Variants in ST8SIA1 observed in about 807,000 individuals in gnomAD.
The protein encoded by ST8SIA1 is ST8 alpha-N-acetyl-neuraminide alpha-2,8-sialyltransferase 1, also known as alpha-N-acetylneuraminide alpha-2,8-sialyltransferase.
ST8SIA1 carries 16 observed loss-of-function variants against 35.9 expected under a neutral mutation model. The observed-to-expected ratio is 0.45, with a 90% confidence interval of 0.30 to 0.68. The LOEUF is 0.68. Ranked by LOEUF, ST8SIA1 falls within the 30% of genes least tolerant of loss-of-function variation. The probability of loss-of-function intolerance (pLI) is 0.09; values close to 1 mark genes in which losing one functional copy is unlikely to be tolerated. For synonymous variants in ST8SIA1, 170 were observed against 169.6 expected, an observed-to-expected ratio of 1.00 and a Z score of -0.02; for missense variants, 383 against 453.6, an observed-to-expected ratio of 0.84 and a Z score of 1.41.
chr12:22,200,871 G>A lies in ST8SIA1; in HGVS notation c.*681C>T, dbSNP rs1310146345. Reference sequence around the variant, plus strand: ...GTTATCCAGACTATGAAGCAACACAGTCTAAATTCAATAATGCTTCACATT... The same window carrying A: ...GTTATCCAGACTATGAAGCAACACAATCTAAATTCAATAATGCTTCACATT... On this transcript the variant is annotated 3_prime_UTR_variant, in exon 5 of 5. Coordinates refer to ENST00000396037, the MANE Select transcript of ST8SIA1 (RefSeq NM_003034.4). 6.6e-6 allele frequency: 1 copy of A among 152,094 alleles called. No homozygotes were observed. Among genetic ancestry groups the A allele is most frequent in the East Asian group, 1.9e-4 (1 of 5,180 alleles). 9.4% of individuals were successfully genotyped at this position (152,094 alleles called of 1,614,324 possible). A position where few individuals can be genotyped will look rare whatever the true frequency, so the allele number is the denominator to read the frequency against.
chr12:22,271,612 T>TA (rs1865912683), intron 2 of ST8SIA1, among the ~76,000 whole-genome samples: 1 of 152,190 alleles, frequency 6.6e-6, no homozygotes, highest in Non-Finnish European at 1.5e-5. Flanking sequence ...AATAAAATGA[T>TA]AATTATAAAA....
At chr12:22,264,291 C>T (rs1865822966) in intron 2 of ST8SIA1, among the ~76,000 whole-genome samples, 1 of 152,142 alleles carries the variant, frequency 6.6e-6, no homozygotes, top group Non-Finnish European at 1.5e-5. Context: ...CTAACCAGTG[C>T]ACCAATCAAG....
At chr12:22,261,104 A>C (rs1462633815) in intron 2 of ST8SIA1, among the ~76,000 whole-genome samples, 4 of 151,178 alleles carry the variant, frequency 2.6e-5, no homozygotes, top group Non-Finnish European at 5.9e-5. Context: ...ATTTATATAT[A>C]TTTTGAACAA....
intron 4 of ST8SIA1, among the ~76,000 whole-genome samples, chr12:22,210,576 C>T (rs1237170155): frequency 2.6e-5 from 4 of 152,156 alleles, no homozygotes; most frequent in East Asian, 1.9e-4. Flanking sequence ...CACCCTTCAA[C>T]CCCTTAGACA....
intron 1 of ST8SIA1, among the ~76,000 whole-genome samples, chr12:22,293,106 GACAA>G (rs1393037641): frequency 2.0e-5 from 3 of 152,204 alleles, no homozygotes; most frequent in Admixed American, 6.5e-5. Flanking sequence ...GCTTTAGACT[GACAA>G]ACATTTTCAG....
chr12:22,323,412 G>A (rs1478550428), intron 1 of ST8SIA1, among the ~76,000 whole-genome samples: 1 of 152,198 alleles, frequency 6.6e-6, no homozygotes, highest in African/African-American at 2.4e-5. Flanking sequence ...TGGAGGGAGT[G>A]TAAACTAGTT....
intron 1 of ST8SIA1, among the ~76,000 whole-genome samples, chr12:22,328,571 ACAGACCCAGCAT>A (rs1354416219): frequency 3.9e-5 from 6 of 152,196 alleles, no homozygotes; most frequent in Non-Finnish European, 8.8e-5. Context: ...GTTCACAGCT[ACAGACCCAGCAT>A]CTCCTATCCT....
rs1287318715 is a variant in ST8SIA1 at position 22,199,790 on chromosome 12, G to A, written c.*1762C>T. 1 of 152,088 alleles carries A rather than the reference G, an allele frequency of 6.6e-6. No homozygotes were observed. Among genetic ancestry groups the A allele is most frequent in the Non-Finnish European group, 1.5e-5 (1 of 68,018 alleles). The allele number at this position is 152,088 out of a possible 1,614,324, so 9.4% of individuals were successfully genotyped here. ...AATACCAGCCATTATTGTTTACGTG[G>A]TAACATGGTATGCTGAGTTTTTACT... On this transcript the variant is annotated 3_prime_UTR_variant, in exon 5 of 5. Coordinates refer to ENST00000396037, the MANE Select transcript of ST8SIA1 (RefSeq NM_003034.4).
At position 22,201,700 on chromosome 12, in the gene ST8SIA1, C is replaced by A. The variant is rs1865049573; in HGVS notation, c.923G>T (p.Ser308Ile). 6.2e-7 allele frequency: 1 copy of A among 1,614,102 alleles called. No individual in the cohort carries two copies. The highest frequency in any genetic ancestry group is 1.3e-5 in the African/African-American group (1 of 75,054). The change falls in exon 5 of 5, where the codon AGC becomes ATC. Residue 308 changes from serine to isoleucine, a missense_variant. Physicochemically the swap from Ser to Ile is moderately radical, Grantham distance 142. Transcript: ENST00000396037. ...FSVNMHEQPI[S>I]HHYYDNVLPF... is the part of the protein sequence containing the mutation. ...TAAGACGTTGTCATAGTAGTGGTGG[C>A]TGATGGGCTGCTCATGCATATTCAC... is the stretch of plus-strand genomic sequence containing the variant.
intron 1 of ST8SIA1, among the ~76,000 whole-genome samples, chr12:22,332,228 T>C (rs1017101369): frequency 1.3e-5 from 2 of 152,298 alleles, no homozygotes; most frequent in South Asian, 4.2e-4. Context: ...TCTCTGCACA[T>C]AGAGACCAGA....
chr12:22,283,962 A>C (rs1288904808), intron 2 of ST8SIA1, among the ~76,000 whole-genome samples: 1 of 152,230 alleles, frequency 6.6e-6, no homozygotes, highest in African/African-American at 2.4e-5. Context: ...GGCAGAATTG[A>C]ATAAATTTGA....
In ST8SIA1 at chr12:22,240,903, T is replaced by C. The variant is rs541745409; in HGVS notation, c.584+8103A>G. On this transcript the variant is annotated intron_variant, in intron 4 of 4. Transcript: ENST00000396037. The stretch of plus-strand genomic sequence containing the variant: ...ATTAAAAGTTATGCATTTACAAATT[T>C]TAAAAGTTTAACTCCACCATGATTT... Among the ~76,000 whole-genome samples the C allele has an allele frequency of 1.5e-3, 235 of 152,242 alleles. 1 individual carries two copies. The highest frequency in any genetic ancestry group is 2.5e-3 in the Non-Finnish European group (172 of 68,026).
At chr12:22,274,316 ATGGAC>A (rs1865944876) in intron 2 of ST8SIA1, among the ~76,000 whole-genome samples, 1 of 152,232 alleles carries the variant, frequency 6.6e-6, no homozygotes, top group South Asian at 2.1e-4. Flanking sequence ...CAGCGTGGTA[ATGGAC>A]TGGAGAAGAG....
In ST8SIA1 at chr12:22,199,351, GAGTAACATTTTATTAA is replaced by G. The variant is rs1487936536; in HGVS notation, c.*2185_*2200del. ...ATTTTAACAATTAAAGTACTAATCT[GAGTAACATTTTATTAA>G]CTTTTATATGCGTTTTTGTTAAGCC... On this transcript the variant is annotated 3_prime_UTR_variant, in exon 5 of 5. Transcript: ENST00000396037. The G allele has an allele frequency of 2.8e-5, 4 of 145,368 alleles. No homozygotes were observed. Among genetic ancestry groups the G allele is most frequent in the Non-Finnish European group, 6.1e-5 (4 of 65,530 alleles). The allele number at this position is 145,368 out of a possible 1,614,324, so 9.0% of individuals were successfully genotyped here. A position where few individuals can be genotyped will look rare whatever the true frequency, so the allele number is the denominator to read the frequency against.
At chr12:22,266,984 T>C (rs1041517410) in intron 2 of ST8SIA1, among the ~76,000 whole-genome samples, 2 of 152,164 alleles carry the variant, frequency 1.3e-5, no homozygotes, top group Non-Finnish European at 2.9e-5. Context: ...AATTTGATGG[T>C]GTAGAAAACC....
chr12:22,210,614 T>C (rs374271032), intron 4 of ST8SIA1, among the ~76,000 whole-genome samples: 13 of 152,326 alleles, frequency 8.5e-5, no homozygotes, highest in African/African-American at 2.9e-4. Context: ...CCTCCAGAAC[T>C]TCTGACCAGC....
Position 22,332,540 on chromosome 12 carries a change from C to T in ST8SIA1, c.236+1457G>A, listed in dbSNP as rs73259809. On this transcript the variant is annotated intron_variant, in intron 1 of 4. Transcript: ENST00000396037. Reference sequence around the variant, plus strand: ...TGCTGGATGTGATGCCTTTTGCCTGCTCTTGAGTCCCACAATCAATACTGT... The same window carrying T: ...TGCTGGATGTGATGCCTTTTGCCTGTTCTTGAGTCCCACAATCAATACTGT... 3.0e-4 allele frequency among the ~76,000 whole-genome samples: 45 copies of T among 152,292 alleles called. 1 individual carries two copies. Among genetic ancestry groups the T allele is most frequent in the African/African-American group, 1.1e-3 (45 of 41,566 alleles).
chr12:22,287,257 G>A lies in ST8SIA1; in HGVS notation c.273C>T (p.Leu91=), dbSNP rs1333345073. 11 of 1,614,064 alleles carry A rather than the reference G, an allele frequency of 6.8e-6. No homozygotes were observed. Among genetic ancestry groups the A allele is most frequent in the Non-Finnish European group, 8.5e-6 (10 of 1,179,984 alleles). The stretch of plus-strand genomic sequence containing the variant: ...GGGAATTCATTTTAGTCATAGCAAA[G>A]AGATGGGCAGGGTCGCAGCAGTCTT... ...QMEDCCDPAH[L]FAMTKMNSPM... is the part of the protein sequence containing the mutation. The change falls in exon 2 of 5, where the codon CTC becomes CTT. Residue 91 remains leucine, a synonymous_variant. Coordinates refer to ENST00000396037, the MANE Select transcript of ST8SIA1 (RefSeq NM_003034.4).
intron 3 of ST8SIA1, among the ~76,000 whole-genome samples, chr12:22,250,998 CCT>C (rs143757599): frequency 0.012 from 1,814 of 152,300 alleles, 44 homozygotes; most frequent in African/African-American, 0.041. Context: ...CATGTGGTTT[CCT>C]GAGGATTCTC....
Sources: allele counts gnomAD v4.1 joint callset (sites outside exome capture counted in the v4.1 genomes callset), GRCh38; gene constraint gnomAD v4.1.1; transcripts MANE v1.5; gene names NCBI Gene and HGNC (gene_info 2026-07-23, HGNC 2026-07-21).